Variants in PARD6G observed in about 807,000 individuals in gnomAD.
PARD6G encodes partitioning defective 6 homolog gamma.
Under a neutral mutation model 10.7 loss-of-function variants are expected in PARD6G, and 7 were observed. That is an observed-to-expected ratio of 0.66 (90% CI 0.37 to 1.23). PARD6G has a LOEUF of 1.23. Among genes scored for constraint, PARD6G ranks in the 50% most tolerant of loss-of-function variants. The pLI is 0.02. For missense variants in PARD6G, 548 were observed against 571.8 expected, an observed-to-expected ratio of 0.96 and a Z score of 0.42; for synonymous variants, 287 against 269.4, an observed-to-expected ratio of 1.07 and a Z score of -0.64.
In PARD6G at chr18:80,161,480, C is replaced by T. The variant is rs1568424616; in HGVS notation, c.296-874G>A. ...GTCCACTGAATTAATCAAGCAGAAA[C>T]GTAAGGAGCTTAGTCTAAAGTAAAA... On this transcript the variant is annotated intron_variant, in intron 2 of 2. Transcript: ENST00000353265. The surrounding 1 kb of genome is among the most constrained non-coding windows in gnomAD (Gnocchi z 4.6). Among the ~76,000 whole-genome samples the T allele has an allele frequency of 3.9e-5, 6 of 151,980 alleles. No homozygotes were observed. Among genetic ancestry groups the T allele is most frequent in the Admixed American group, 2.0e-4 (3 of 15,260 alleles).
At position 80,177,361 on chromosome 18, in the gene PARD6G, TAC is replaced by T. The variant is rs112789791; in HGVS notation, c.296-16757_296-16756del. On this transcript the variant is annotated intron_variant, in intron 2 of 2. Transcript: ENST00000353265. ...ACACACATACACACACATACACATG[TAC>T]ACACACACACACACACAGGATAAAT... Among the ~76,000 whole-genome samples, 377 of 113,958 alleles carry T rather than the reference TAC, an allele frequency of 3.3e-3. 1 individual carries two copies. Among genetic ancestry groups the T allele is most frequent in the Non-Finnish European group, 3.8e-3 (214 of 56,684 alleles). The allele number at this position is 113,958 out of a possible 152,430, so 74.8% of individuals were successfully genotyped here.
chr18:80,227,222 A>C (rs1429945671), intron 1 of PARD6G, among the ~76,000 whole-genome samples: 1 of 152,200 alleles, frequency 6.6e-6, no homozygotes, highest in Non-Finnish European at 1.5e-5. Flanking sequence ...TCAGCCTCCC[A>C]AATTGCTGGG....
rs960566660 is a variant in PARD6G, at chr18:80,246,685, G to T, written c.72+592C>A. Among the ~76,000 whole-genome samples, 1 of 151,586 alleles carries T rather than the reference G, an allele frequency of 6.6e-6. No homozygotes were observed. The highest frequency in any genetic ancestry group is 1.5e-5 in the Non-Finnish European group (1 of 67,806). ...ACGCGCCCGGGGAGGCGTGGTCTGG[G>T]TCTGGGCCGGGGGAGAGCCGGGTGC... On this transcript the variant is annotated intron_variant, in intron 1 of 2. Coordinates refer to ENST00000353265, the MANE Select transcript of PARD6G (RefSeq NM_032510.4). The surrounding 1 kb of genome is among the most constrained non-coding windows in gnomAD (Gnocchi z 6.7).
chr18:80,241,341 T>G (rs1365860065), intron 1 of PARD6G, among the ~76,000 whole-genome samples: 1 of 152,174 alleles, frequency 6.6e-6, no homozygotes, highest in Non-Finnish European at 1.5e-5. Context: ...TTTATGACCT[T>G]CGGCAGGTCA....
At chr18:80,197,006 CA>C (rs34001539) in intron 2 of PARD6G, among the ~76,000 whole-genome samples, 25,118 of 151,148 alleles carry the variant, frequency 0.17, 2,706 homozygotes, top group East Asian at 0.42. Context: ...CCCCAGAGGG[CA>C]AAGCCCACGT....
chr18:80,233,111 A>G (rs1967378853), intron 1 of PARD6G, among the ~76,000 whole-genome samples: 2 of 152,208 alleles, frequency 1.3e-5, no homozygotes, highest in Non-Finnish European at 2.9e-5. Flanking sequence ...GGCTTCGTCA[A>G]CATACCATTT....
In PARD6G at chr18:80,159,844, C is replaced by T; in HGVS notation, c.1058G>A (p.Arg353Gln). 6.7e-7 allele frequency: 1 copy of T among 1,496,258 alleles called. No homozygotes were observed. 92.7% of individuals were successfully genotyped at this position (1,496,258 alleles called of 1,614,324 possible). Residue 353 changes from arginine (R) to glutamine (Q), a missense_variant, in exon 3 of 3, where the codon CGG becomes CAG. This residue lies in a region of PARD6G where 313 missense variants were observed against 279.9 expected (regional missense o/e 1.12). Transcript: ENST00000353265. ...CGCCAGGCTGTGACGGGGGTCGGCC[C>T]GCAGGGAGCTGAGCAGCCGCTGGAG... ...GGLQRLLSSL[R>Q]ADPRHSLALP... is the part of the protein sequence containing the mutation.
Position 80,247,403 on chromosome 18 carries a change from A to G in PARD6G, c.-55T>C. 6.9e-7 allele frequency: 1 copy of G among 1,447,520 alleles called. No homozygotes were observed. The highest frequency in any genetic ancestry group is 9.3e-7 in the Non-Finnish European group (1 of 1,073,946). The allele number at this position is 1,447,520 out of a possible 1,614,324, so 89.7% of individuals were successfully genotyped here. ...CCCTCGCTCCTCAGGGGCCGCAGAA[A>G]GACTCCCGGGGGCGGCGCCCCCAGG... is the stretch of plus-strand genomic sequence containing the variant. On this transcript the variant is annotated 5_prime_UTR_variant, in exon 1 of 3. Transcript: ENST00000353265. The surrounding 1 kb of genome is among the most constrained non-coding windows in gnomAD (Gnocchi z 4.2).
chr18:80,210,767 C>T (rs904937650), intron 1 of PARD6G, among the ~76,000 whole-genome samples: 13 of 152,216 alleles, frequency 8.5e-5, no homozygotes, highest in African/African-American at 3.1e-4. Flanking sequence ...GCCAATTTTA[C>T]ATCTCTTGCC....
chr18:80,212,537 C>A (rs1270569774), intron 1 of PARD6G, among the ~76,000 whole-genome samples: 1 of 152,148 alleles, frequency 6.6e-6, no homozygotes, highest in Admixed American at 6.6e-5. Flanking sequence ...TTGATTTAAT[C>A]CACCACCGCT....
intron 1 of PARD6G, among the ~76,000 whole-genome samples, chr18:80,241,030 C>T (rs961435645): frequency 4.6e-5 from 7 of 152,164 alleles, no homozygotes; most frequent in Admixed American, 6.5e-5. Flanking sequence ...GAGGACTTCC[C>T]GTGAGGCCAT....
chr18:80,198,604 C>T (rs1318524576), intron 2 of PARD6G, among the ~76,000 whole-genome samples: 3 of 152,218 alleles, frequency 2.0e-5, no homozygotes, highest in East Asian at 3.8e-4. Flanking sequence ...GGGGATGCCA[C>T]ACTCCTGTGC....
At position 80,207,806 on chromosome 18, in the gene PARD6G, T is replaced by C. The variant is rs968729811; in HGVS notation, c.73-4874A>G. On this transcript the variant is annotated intron_variant, in intron 1 of 2. Transcript: ENST00000353265. ...AGAAAAATATTTGAACTTCAATTTA[T>C]ACATATTTTTTGTTGCAGAGAAGAG... 4.6e-5 allele frequency among the ~76,000 whole-genome samples: 7 copies of C among 152,188 alleles called. No homozygotes were observed. In the East Asian group the frequency reaches 1.3e-3, roughly 29 times the overall value.
At chr18:80,234,416 A>T (rs1290020899) in intron 1 of PARD6G, among the ~76,000 whole-genome samples, 1 of 152,168 alleles carries the variant, frequency 6.6e-6, no homozygotes, top group Non-Finnish European at 1.5e-5. Flanking sequence ...AAGATAAAGG[A>T]TCTTTTCTGA....
intron 1 of PARD6G, among the ~76,000 whole-genome samples, chr18:80,244,656 G>A (rs1967524054): frequency 6.6e-6 from 1 of 152,112 alleles, no homozygotes. Context: ...TGAAATAACC[G>A]ATGCTTGGAA....
intron 1 of PARD6G, among the ~76,000 whole-genome samples, chr18:80,208,410 C>T (rs1038146974): frequency 1.3e-5 from 2 of 152,288 alleles, no homozygotes; most frequent in African/African-American, 4.8e-5. Flanking sequence ...TAGCAGGAGA[C>T]TTGGCACTCC....
chr18:80,243,664 G>A (rs1461117967), intron 1 of PARD6G, among the ~76,000 whole-genome samples: 1 of 152,178 alleles, frequency 6.6e-6, no homozygotes, highest in Non-Finnish European at 1.5e-5. Flanking sequence ...ATCATGACAA[G>A]TGCCAATAAG....
intron 1 of PARD6G, among the ~76,000 whole-genome samples, chr18:80,208,397 G>A (rs12960187): frequency 6.6e-6 from 1 of 152,132 alleles, no homozygotes; most frequent in East Asian, 1.9e-4. Context: ...CACCATTAAA[G>A]GTTAGCAGGA....
intron 2 of PARD6G, among the ~76,000 whole-genome samples, chr18:80,163,228 C>T (rs1261670984): frequency 6.6e-6 from 1 of 152,174 alleles, no homozygotes; most frequent in Non-Finnish European, 1.5e-5. Context: ...GCCCTGTGCT[C>T]AGAGCCACGA....
Sources: allele counts gnomAD v4.1 joint callset (sites outside exome capture counted in the v4.1 genomes callset), GRCh38; gene constraint gnomAD v4.1.1; regional missense constraint gnomAD v4.1.1; non-coding constraint Gnocchi (gnomAD v3.1); transcripts MANE v1.5; gene names NCBI Gene and HGNC (gene_info 2026-07-23, HGNC 2026-07-21).